Variants in OR6C75 observed in about 807,000 individuals in gnomAD.
OR6C75 encodes the protein olfactory receptor 6C75.
For synonymous variants in OR6C75, 149 were observed against 130.6 expected (o/e 1.14, Z -0.96); for missense variants, 380 against 368.0 (o/e 1.03, Z -0.27).
At position 55,365,401 on chromosome 12, in the gene OR6C75, T is replaced by C; in HGVS notation, c.291T>C (p.Ala97=). The change falls in exon 3 of 3, where the codon GCT becomes GCC. Residue 97 remains alanine, a synonymous_variant. Transcript: ENST00000641576. The part of the protein sequence containing the change: ...NRTISYNGCV[A]QLFFFIFLGV... ...CCATTTCTTATAATGGGTGTGTGGCTCAGCTATTTTTTTTCATCTTCTTGG... is the reference window on the plus strand; with the variant it reads ...CCATTTCTTATAATGGGTGTGTGGCCCAGCTATTTTTTTTCATCTTCTTGG... The C allele has an allele frequency of 6.2e-7, 1 of 1,614,056 alleles. No homozygotes were observed. The highest frequency in any genetic ancestry group is 8.5e-7 in the Non-Finnish European group (1 of 1,179,988).
In OR6C75 at chr12:55,365,245, C is replaced by A; in HGVS notation, c.135C>A (p.Thr45=). Residue 45 remains threonine (T), a synonymous_variant, in exon 3 of 3, where the codon ACC becomes ACA. Transcript: ENST00000641576. ...TGACTGGGAACCTGATCATTATCACCCTCACCCTTTCAGATCCCCATCTGC... is the reference window on the plus strand; with the variant it reads ...TGACTGGGAACCTGATCATTATCACACTCACCCTTTCAGATCCCCATCTGC... ...LSVTGNLIII[T]LTLSDPHLQT... is the part of the protein sequence containing the mutation. 1 of 1,612,832 alleles carries A rather than the reference C, an allele frequency of 6.2e-7. No individual in the cohort carries two copies. The highest frequency in any genetic ancestry group is 8.5e-7 in the Non-Finnish European group (1 of 1,179,508).
rs1172326040 is a variant in OR6C75, at chr12:55,368,880, A to C, written c.*2831A>C. The C allele has an allele frequency of 6.6e-6, 1 of 152,092 alleles. No homozygotes were observed. The highest frequency in any genetic ancestry group is 1.5e-5 in the Non-Finnish European group (1 of 68,008). The allele number at this position is 152,092 out of a possible 1,614,324, so 9.4% of individuals were successfully genotyped here. Reference sequence around the variant, plus strand: ...TTATGGAATGGCATACTTTTTTTTAAAACAGATTATAATATAATATCATCA... The same window carrying C: ...TTATGGAATGGCATACTTTTTTTTACAACAGATTATAATATAATATCATCA... On this transcript the variant is annotated 3_prime_UTR_variant, in exon 3 of 3. Transcript: ENST00000641576.
rs1869828330 is a variant in OR6C75, at chr12:55,367,363, A to C, written c.*1314A>C. The C allele has an allele frequency of 6.6e-6, 1 of 152,226 alleles. No homozygotes were observed. Among genetic ancestry groups the C allele is most frequent in the Non-Finnish European group, 1.5e-5 (1 of 68,040 alleles). The allele number at this position is 152,226 out of a possible 1,614,324, so 9.4% of individuals were successfully genotyped here. A position where few individuals can be genotyped will look rare whatever the true frequency, so the allele number is the denominator to read the frequency against. ...TGGTTTAACATACACGAATCAATAA[A>C]TGTGATTCACCACATAAACAGAACT... On this transcript the variant is annotated 3_prime_UTR_variant, in exon 3 of 3. Transcript: ENST00000641576.
chr12:55,366,775 G>GA lies in OR6C75; in HGVS notation c.*733dup, dbSNP rs1319858238. 4 of 151,930 alleles carry GA rather than the reference G, an allele frequency of 2.6e-5. No individual in the cohort carries two copies. The East Asian group carries it at 5.8e-4, about 22-fold the overall frequency. 9.4% of individuals were successfully genotyped at this position (151,930 alleles called of 1,614,324 possible). ...ATTACTTTTTGTCTTAGCTTTCCTA[G>GA]AAAAAAAGAGCAAAGCGTAATCAAA... On this transcript the variant is annotated 3_prime_UTR_variant, in exon 3 of 3. Coordinates refer to ENST00000641576, the MANE Select transcript of OR6C75 (RefSeq NM_001005497.2).
rs564039969 is a variant in OR6C75, at chr12:55,368,746, T to C, written c.*2697T>C. 6.6e-6 allele frequency: 1 copy of C among 152,342 alleles called. No individual in the cohort carries two copies. The highest frequency in any genetic ancestry group is 1.9e-4 in the East Asian group (1 of 5,188). 9.4% of individuals were successfully genotyped at this position (152,342 alleles called of 1,614,324 possible). A position where few individuals can be genotyped will look rare whatever the true frequency, so the allele number is the denominator to read the frequency against. On this transcript the variant is annotated 3_prime_UTR_variant, in exon 3 of 3. Transcript: ENST00000641576. ...TTCCTTGATTTTCAGCTTTGTCTGA[T>C]ATACAGGTGAATGTAAAGAGCTCTA...
At chr12:55,363,191 A>G (rs1336643340) in intron 1 of OR6C75, 142 bp downstream of exon 1, 2 of 152,172 alleles carry the variant, frequency 1.3e-5, no homozygotes, top group African/African-American at 4.8e-5. Context: ...ATTTTGTTAC[A>G]AATACAAGAT....
chr12:55,369,179 TAG>T lies in OR6C75; in HGVS notation c.*3135_*3136del, dbSNP rs1869869953. The T allele has an allele frequency of 2.0e-5, 3 of 151,434 alleles. No homozygotes were observed. Among genetic ancestry groups the T allele is most frequent in the Non-Finnish European group, 3.0e-5 (2 of 67,770 alleles). 9.4% of individuals were successfully genotyped at this position (151,434 alleles called of 1,614,324 possible). ...AGGGAAAGAAGAGAAACTGGAAAAT[TAG>T]AGAGTAAGGGAAAGTAAATTTTCTT... On this transcript the variant is annotated 3_prime_UTR_variant, in exon 3 of 3. Transcript: ENST00000641576.
Position 55,366,042 on chromosome 12 carries a change from A to G in OR6C75, c.932A>G (p.Asn311Ser). ...SMVQKMIFSL[N>S]K ...GTCCAGAAGATGATTTTTTCTTTAA[A>G]TAAATGAATGTGATTATGTAAAAAA... Residue 311 changes from asparagine (N) to serine (S), a missense_variant, in exon 3 of 3, where the codon AAT becomes AGT. Coordinates refer to ENST00000641576, the MANE Select transcript of OR6C75 (RefSeq NM_001005497.2). 6.4e-7 allele frequency: 1 copy of G among 1,554,798 alleles called. No individual in the cohort carries two copies. The highest frequency in any genetic ancestry group is 8.7e-7 in the Non-Finnish European group (1 of 1,152,144).
rs72482251 is a variant in OR6C75, at chr12:55,365,216, A to C, written c.106A>C (p.Ser36Arg). The change falls in exon 3 of 3, where the codon AGT (serine) becomes CGT (arginine). Residue 36 changes from serine (S) to arginine (R), a missense_variant. Coordinates refer to ENST00000641576, the MANE Select transcript of OR6C75 (RefSeq NM_001005497.2). ...ATTTCTTCTTGTTACCTACATGTTA[A>C]GTGTGACTGGGAACCTGATCATTAT... ...FIFLLVTYML[S>R]VTGNLIIITL... 5.5e-5 allele frequency: 88 copies of C among 1,612,764 alleles called. No homozygotes were observed. The East Asian group carries it at 1.9e-3, about 35-fold the overall frequency.
Position 55,365,200 on chromosome 12 carries a change from T to A in OR6C75, c.90T>A (p.Leu30=). 6.2e-7 allele frequency: 1 copy of A among 1,613,084 alleles called. No individual in the cohort carries two copies. Among genetic ancestry groups the A allele is most frequent in the Non-Finnish European group, 8.5e-7 (1 of 1,179,590 alleles). ...AGGTTGTACTTTTCATATTTCTTCT[T>A]GTTACCTACATGTTAAGTGTGACTG... is the stretch of plus-strand genomic sequence containing the variant. The part of the protein sequence containing the change: ...QWQVVLFIFL[L]VTYMLSVTGN... The change falls in exon 3 of 3, where the codon CTT becomes CTA. Residue 30 remains leucine (L), a synonymous_variant. Transcript: ENST00000641576.
In OR6C75 at chr12:55,365,885, A is replaced by G; in HGVS notation, c.775A>G (p.Lys259Glu). ...CAGTAGCTGTATCTTCATGTACATT[A>G]AGACTTCTGCCAGAGAAAGGGTGAC... ...SYSSCIFMYI[K>E]TSARERVTLS... is the part of the protein sequence containing the mutation. Residue 259 changes from lysine to glutamate, a missense_variant, in exon 3 of 3, where the codon AAG becomes GAG. Lys to Glu is a moderately conservative substitution (Grantham distance 56, BLOSUM62 1). Coordinates refer to ENST00000641576, the MANE Select transcript of OR6C75 (RefSeq NM_001005497.2). The G allele has an allele frequency of 6.2e-7, 1 of 1,613,996 alleles. No individual in the cohort carries two copies. Among genetic ancestry groups the G allele is most frequent in the Non-Finnish European group, 8.5e-7 (1 of 1,179,988 alleles).
In OR6C75 at chr12:55,367,495, A is replaced by G. The variant is rs1255590379; in HGVS notation, c.*1446A>G. The G allele has an allele frequency of 1.3e-5, 2 of 152,144 alleles. No homozygotes were observed. The highest frequency in any genetic ancestry group is 3.9e-4 in the East Asian group (2 of 5,182). The allele number at this position is 152,144 out of a possible 1,614,324, so 9.4% of individuals were successfully genotyped here. A position where few individuals can be genotyped will look rare whatever the true frequency, so the allele number is the denominator to read the frequency against. The stretch of plus-strand genomic sequence containing the variant: ...TCAACAAACCACGCATTGAAGGAAA[A>G]TAGCCCAAAATAATAACAGCCATCT... On this transcript the variant is annotated 3_prime_UTR_variant, in exon 3 of 3. Coordinates refer to ENST00000641576, the MANE Select transcript of OR6C75 (RefSeq NM_001005497.2).
chr12:55,366,806 G>C lies in OR6C75; in HGVS notation c.*757G>C, dbSNP rs1869816471. On this transcript the variant is annotated 3_prime_UTR_variant, in exon 3 of 3. Coordinates refer to ENST00000641576, the MANE Select transcript of OR6C75 (RefSeq NM_001005497.2). ...AAGAGCAAAGCGTAATCAAAGAGTTGATATTATTTATCTTATATTTTCCTT... is the reference window on the plus strand; with the variant it reads ...AAGAGCAAAGCGTAATCAAAGAGTTCATATTATTTATCTTATATTTTCCTT... 6.6e-6 allele frequency: 1 copy of C among 152,016 alleles called. No individual in the cohort carries two copies. The highest frequency in any genetic ancestry group is 2.4e-5 in the African/African-American group (1 of 41,412). 9.4% of individuals were successfully genotyped at this position (152,016 alleles called of 1,614,324 possible).
chr12:55,364,312 C>CTTTTTTTTTT (rs59247539), intron 2 of OR6C75, among the ~76,000 whole-genome samples: 1,373 of 17,176 alleles, frequency 0.08, 506 homozygotes, highest in East Asian at 0.13. Context: ...GTTTCTTTTC[C>CTTTTTTTTTT]TTTTTTTTTT....
chr12:55,365,786 A>G lies in OR6C75; in HGVS notation c.676A>G (p.Ile226Val). Residue 226 changes from isoleucine (I) to valine (V), a missense_variant, in exon 3 of 3, where the codon ATT becomes GTT. Physicochemically the swap from Ile to Val is conservative, Grantham distance 29 (BLOSUM62 3). Coordinates refer to ENST00000641576, the MANE Select transcript of OR6C75 (RefSeq NM_001005497.2). ...YTNIIRTILK[I>V]PSMSQRKKAF... ...AAACATCATCCGGACAATTCTGAAA[A>G]TTCCTTCTATGAGTCAAAGGAAAAA... 1 of 1,613,926 alleles carries G rather than the reference A, an allele frequency of 6.2e-7. No homozygotes were observed. The highest frequency in any genetic ancestry group is 1.7e-5 in the Admixed American group (1 of 59,998).
At position 55,365,006 on chromosome 12, in the gene OR6C75, C is replaced by A; in HGVS notation, c.-105C>A. ...AGGCATTATGGTAAATGGAAAGAGC[C>A]AGACAGAAAAAAAATAATAATTTTC... is the stretch of plus-strand genomic sequence containing the variant. On this transcript the variant is annotated 5_prime_UTR_variant, in exon 3 of 3. Transcript: ENST00000641576. 1.3e-6 allele frequency: 1 copy of A among 749,878 alleles called. No homozygotes were observed. Among genetic ancestry groups the A allele is most frequent in the Non-Finnish European group, 2.2e-6 (1 of 461,446 alleles). The allele number at this position is 749,878 out of a possible 1,614,324, so 46.5% of individuals were successfully genotyped here.
rs775737768 is a variant in OR6C75 at position 55,367,391 on chromosome 12, A to C, written c.*1342A>C. 1 of 152,192 alleles carries C rather than the reference A, an allele frequency of 6.6e-6. No homozygotes were observed. Among genetic ancestry groups the C allele is most frequent in the Non-Finnish European group, 1.5e-5 (1 of 68,024 alleles). The allele number at this position is 152,192 out of a possible 1,614,324, so 9.4% of individuals were successfully genotyped here. ...TGATTCACCACATAAACAGAACTAA[A>C]AACAAAAACCATATGATCATCTCAA... is the stretch of plus-strand genomic sequence containing the variant. On this transcript the variant is annotated 3_prime_UTR_variant, in exon 3 of 3. Coordinates refer to ENST00000641576, the MANE Select transcript of OR6C75 (RefSeq NM_001005497.2).
chr12:55,365,867 T>C lies in OR6C75; in HGVS notation c.757T>C (p.Cys253Arg). The C allele has an allele frequency of 4.3e-6, 7 of 1,613,914 alleles. No individual in the cohort carries two copies. Among genetic ancestry groups the C allele is most frequent in the Non-Finnish European group, 5.9e-6 (7 of 1,179,972 alleles). ...MIVVSISYSS[C>R]IFMYIKTSAR... Reference sequence around the variant, plus strand: ...AGTTGTCTCCATCTCTTACAGTAGCTGTATCTTCATGTACATTAAGACTTC... The same window carrying C: ...AGTTGTCTCCATCTCTTACAGTAGCCGTATCTTCATGTACATTAAGACTTC... The change falls in exon 3 of 3, where the codon TGT (cysteine) becomes CGT (arginine). Residue 253 changes from cysteine (C) to arginine (R), a missense_variant. By Grantham distance (180) the Cys-to-Arg change is radical. Coordinates refer to ENST00000641576, the MANE Select transcript of OR6C75 (RefSeq NM_001005497.2).
At position 55,366,354 on chromosome 12, in the gene OR6C75, C is replaced by T. The variant is rs554143319; in HGVS notation, c.*305C>T. On this transcript the variant is annotated 3_prime_UTR_variant, in exon 3 of 3. Transcript: ENST00000641576. ...CTAGATGACGAGTTAGTGGGTGCAG[C>T]GCACCAGCATGGCACATGTATACAT... 2.4e-5 allele frequency: 5 copies of T among 205,920 alleles called. No homozygotes were observed. The highest frequency in any genetic ancestry group is 9.0e-5 in the South Asian group (1 of 11,156). The allele number at this position is 205,920 out of a possible 1,614,324, so 12.8% of individuals were successfully genotyped here.
Sources: allele counts gnomAD v4.1 joint callset (sites outside exome capture counted in the v4.1 genomes callset), GRCh38; gene constraint gnomAD v4.1.1; transcripts MANE v1.5; gene names NCBI Gene and HGNC (gene_info 2026-07-23, HGNC 2026-07-21).